The following CLDN10 variants were observed in gnomAD, a reference collection of about 807,000 sequenced individuals.
The protein encoded by CLDN10 is claudin 10.
A neutral mutation model predicts 22.9 loss-of-function variants in CLDN10; 15 were observed. The ratio of observed to expected loss-of-function variants is 0.65; its 90% CI spans 0.44 to 1.01. The LOEUF (loss-of-function observed/expected upper bound fraction) is 1.01, where lower values mean the gene tolerates loss of function less well. Ranked by LOEUF, CLDN10 falls within the 50% of genes least tolerant of loss-of-function variation. The pLI is 0.00. For synonymous variants in CLDN10, 114 were observed against 111.4 expected, an observed-to-expected ratio of 1.02 and a Z score of -0.15; for missense variants, 247 against 287.8, an observed-to-expected ratio of 0.86 and a Z score of 1.03.
chr13:95,498,956 G>A (rs778991467), intron 1 of CLDN10, among the ~76,000 whole-genome samples: 1 of 152,142 alleles, frequency 6.6e-6, no homozygotes, highest in Non-Finnish European at 1.5e-5. Context: ...TTGATACCTC[G>A]TATAAGTGGA....
intron 1 of CLDN10, among the ~76,000 whole-genome samples, chr13:95,461,213 T>C (rs2042533831): frequency 6.6e-6 from 1 of 152,206 alleles, no homozygotes; most frequent in East Asian, 1.9e-4. Flanking sequence ...CCTAAAGTGC[T>C]GGGATTACAG....
intron 3 of CLDN10, among the ~76,000 whole-genome samples, chr13:95,562,675 TATC>T (rs2043730993): frequency 6.6e-6 from 1 of 152,242 alleles, no homozygotes; most frequent in Non-Finnish European, 1.5e-5. Context: ...TAGGGTTTGA[TATC>T]ATAAATATGC....
At chr13:95,505,098 T>A (rs556055980) in intron 1 of CLDN10, among the ~76,000 whole-genome samples, 4 of 152,296 alleles carry the variant, frequency 2.6e-5, no homozygotes, top group African/African-American at 9.6e-5. Flanking sequence ...AACTTTGGTG[T>A]TTTCAAAGGC....
chr13:95,539,346 G>T (rs9525014), intron 1 of CLDN10, among the ~76,000 whole-genome samples: 58,597 of 152,076 alleles, frequency 0.39, 12,557 homozygotes, highest in East Asian at 0.6. Context: ...CAATTGGATT[G>T]TGAATCTGTT....
chr13:95,500,195 A>G (rs538431328), intron 1 of CLDN10, among the ~76,000 whole-genome samples: 69 of 54,228 alleles, frequency 1.3e-3, no homozygotes, highest in African/African-American at 2.8e-3. Flanking sequence ...TAGAGTCTAC[A>G]TTCCATTCTA....
At chr13:95,553,263 G>A (rs2043590545) in intron 1 of CLDN10, among the ~76,000 whole-genome samples, 1 of 152,166 alleles carries the variant, frequency 6.6e-6, no homozygotes, top group South Asian at 2.1e-4. Flanking sequence ...AAGCTTTGCG[G>A]TCCTGAGAGT....
At chr13:95,435,507 C>A (rs1335079238) in intron 1 of CLDN10, among the ~76,000 whole-genome samples, 3 of 152,140 alleles carry the variant, frequency 2.0e-5, no homozygotes, top group Non-Finnish European at 4.4e-5. Flanking sequence ...AGCGTGGATG[C>A]CTCACTTAGT....
chr13:95,517,909 GACA>G (rs2043186655), intron 1 of CLDN10, among the ~76,000 whole-genome samples: 1 of 123,394 alleles, frequency 8.1e-6, no homozygotes, highest in African/African-American at 3.2e-5. Flanking sequence ...ACTCCAGCTG[GACA>G]ACAAGAGCAA....
In CLDN10 at chr13:95,578,978, G is replaced by A. The variant is rs1192087724; in HGVS notation, c.*964G>A. The A allele has an allele frequency of 6.6e-6, 1 of 152,242 alleles. No homozygotes were observed. Among genetic ancestry groups the A allele is most frequent in the Non-Finnish European group, 1.5e-5 (1 of 68,062 alleles). 9.4% of individuals were successfully genotyped at this position (152,242 alleles called of 1,614,324 possible). ...GAGCTAGGGCATCAGCAGAAGCTGA[G>A]ATAGAGATATTGGTCATGGTTGACT... On this transcript the variant is annotated 3_prime_UTR_variant, in exon 5 of 5. Transcript: ENST00000299339.
At chr13:95,487,053 C>G (rs1487785101) in intron 1 of CLDN10, among the ~76,000 whole-genome samples, 1 of 152,222 alleles carries the variant, frequency 6.6e-6, no homozygotes, top group African/African-American at 2.4e-5. Context: ...GCCTGTTGCT[C>G]TTTAGCATGA....
At chr13:95,482,967 G>A (rs1461983053) in intron 1 of CLDN10, among the ~76,000 whole-genome samples, 4 of 152,150 alleles carry the variant, frequency 2.6e-5, no homozygotes, top group African/African-American at 9.7e-5. Context: ...CAACAAGAGC[G>A]AAACTCCATT....
At chr13:95,474,510 T>G (rs914887056) in intron 1 of CLDN10, among the ~76,000 whole-genome samples, 1 of 152,170 alleles carries the variant, frequency 6.6e-6, no homozygotes, top group African/African-American at 2.4e-5. Flanking sequence ...AAATGGAGGT[T>G]AGAGGAGGCT....
chr13:95,546,266 C>T (rs996091030), intron 1 of CLDN10, among the ~76,000 whole-genome samples: 1 of 152,154 alleles, frequency 6.6e-6, no homozygotes, highest in Admixed American at 6.5e-5. Flanking sequence ...TGGGAAGCAA[C>T]TTCTCACAAG....
At chr13:95,467,815 C>T (rs2042594771) in intron 1 of CLDN10, among the ~76,000 whole-genome samples, 1 of 152,176 alleles carries the variant, frequency 6.6e-6, no homozygotes, top group Admixed American at 6.5e-5. Context: ...TGGTGTGGTT[C>T]AGTCCACAGG....
intron 1 of CLDN10, among the ~76,000 whole-genome samples, chr13:95,445,981 G>A (rs2042374435): frequency 6.6e-6 from 1 of 152,182 alleles, no homozygotes; most frequent in African/African-American, 2.4e-5. Context: ...GGGTGACTAG[G>A]AGGATGAGAG....
upstream of CLDN10, chr13:95,552,654 G>GGGCGGA (rs932248891): frequency 4.9e-3 from 6,702 of 1,380,576 alleles, 18 homozygotes; most frequent in Non-Finnish European, 5.6e-3. Context: ...CGGGGACGGT[G>GGGCGGA]GGCGGAGGCG....
At chr13:95,445,759 T>C (rs1313366596) in intron 1 of CLDN10, among the ~76,000 whole-genome samples, 1 of 152,228 alleles carries the variant, frequency 6.6e-6, no homozygotes, top group Non-Finnish European at 1.5e-5. Flanking sequence ...TTAATTTTTT[T>C]TTAGCTGTGC....
At chr13:95,468,145 AC>A (rs1235196560) in intron 1 of CLDN10, among the ~76,000 whole-genome samples, 2 of 152,208 alleles carry the variant, frequency 1.3e-5, no homozygotes, top group Admixed American at 1.3e-4. Context: ...CACAAAATTT[AC>A]TATCCTAGAG....
At chr13:95,448,805 T>C (rs1019917034) in intron 1 of CLDN10, among the ~76,000 whole-genome samples, 9 of 151,868 alleles carry the variant, frequency 5.9e-5, no homozygotes, top group African/African-American at 1.9e-4. Context: ...AGTGGCACGA[T>C]CTCGGCTCAC....
Sources: gnomAD v4.1 joint callset for allele counts (sites outside exome capture counted in the v4.1 genomes callset) on GRCh38, gnomAD v4.1.1 for gene constraint, MANE v1.5 for transcripts, NCBI Gene and HGNC (gene_info 2026-07-23, HGNC 2026-07-21) for gene names.